The following ERMARD variants were observed in gnomAD, a reference collection of about 807,000 sequenced individuals.
ERMARD encodes the protein endoplasmic reticulum membrane-associated RNA degradation protein.
Under a neutral mutation model 83.9 loss-of-function variants are expected in ERMARD, and 71 were observed. The ratio of observed to expected loss-of-function variants is 0.85; its 90% CI spans 0.70 to 1.03. ERMARD has a LOEUF of 1.03. Among genes scored for constraint, ERMARD ranks in the 50% least tolerant of loss-of-function variants. The pLI is 0.00. For missense variants in ERMARD, 838 were observed against 810.9 expected (o/e 1.03, Z -0.41); for synonymous variants, 284 against 298.6 (o/e 0.95, Z 0.50).
At chr6:169,779,104 G>A in intron 16 of ERMARD, 78 bp from the exon 17 acceptor site, 2 of 1,239,658 alleles carry the variant, frequency 1.6e-6, no homozygotes, top group Admixed American at 3.5e-5. Context: ...TGTTGATTAG[G>A]TGAAACATCT....
chr6:169,768,126 T>C lies in ERMARD; in HGVS notation c.1014T>C (p.Asp338=), dbSNP rs61747671. The C allele has an allele frequency of 2.1e-3, 3,470 of 1,614,094 alleles. 77 individuals carry two copies. In the African/African-American group the frequency reaches 0.04, roughly 19 times the overall value. ...FDQILAKHLN[D]GKINQLPLFL... Reference sequence around the variant, plus strand: ...AGATATTGGCAAAACACTTGAATGATGGTAAAATCAATCAGCTTCCTCTTT... The same window carrying C: ...AGATATTGGCAAAACACTTGAATGACGGTAAAATCAATCAGCTTCCTCTTT... Residue 338 remains aspartate, a synonymous_variant, in exon 11 of 18, where the codon GAT becomes GAC. Coordinates refer to ENST00000366773, the MANE Select transcript of ERMARD (RefSeq NM_018341.3).
At chr6:169,752,436 T>C (rs1304405227) in intron 1 of ERMARD, among the ~76,000 whole-genome samples, 1 of 152,182 alleles carries the variant, frequency 6.6e-6, no homozygotes, top group Non-Finnish European at 1.5e-5. Flanking sequence ...CGGCCCAGTG[T>C]AGTCTGCAGA....
At chr6:169,762,290 G>C in intron 8 of ERMARD, 139 bp from the exon 9 acceptor site, 1 of 715,974 alleles carries the variant, frequency 1.4e-6, no homozygotes, top group Non-Finnish European at 2.3e-6. Context: ...TCCCAGGCTG[G>C]TCTTGAACTC....
Position 169,762,511 on chromosome 6 carries a change from A to C in ERMARD, c.940A>C (p.Lys314Gln). 6.2e-7 allele frequency: 1 copy of C among 1,614,116 alleles called. No homozygotes were observed. Residue 314 changes from lysine to glutamine, a missense_variant, in exon 9 of 18, where the codon AAA becomes CAA. Physicochemically the swap from Lys to Gln is moderately conservative, Grantham distance 53 (BLOSUM62 1). Coordinates refer to ENST00000366773, the MANE Select transcript of ERMARD (RefSeq NM_018341.3). ...TTTTGCCACACTTAACAGATGTCCA[A>C]AAAGACTCCTGACTGCTGAGGTAAG... Reference protein sequence around the residue: ...NVFATLNRCPKRLLTAESTAL... With the variant: ...NVFATLNRCPQRLLTAESTAL...
chr6:169,768,005 C>G, intron 10 of ERMARD, 98 bp from the exon 11 acceptor site: 5 of 945,888 alleles, frequency 5.3e-6, no homozygotes, highest in East Asian at 2.5e-5. Flanking sequence ...CCTTAGATAA[C>G]AAGTTAGGCT....
rs1186806559 is a variant in ERMARD at position 169,752,168 on chromosome 6, C to T, written c.6+505C>T. Among the ~76,000 whole-genome samples the T allele has an allele frequency of 2.6e-5, 4 of 152,318 alleles. No homozygotes were observed. In the East Asian group the frequency reaches 7.7e-4, roughly 29 times the overall value. On this transcript the variant is annotated intron_variant, in intron 1 of 17. Coordinates refer to ENST00000366773, the MANE Select transcript of ERMARD (RefSeq NM_018341.3). ...CCCAGGAGGTGGAGGCTGCAGTGAG[C>T]CGAGATCGCGCCACTGCACCCCTGT... is the stretch of plus-strand genomic sequence containing the variant.
chr6:169,768,038 C>T, intron 10 of ERMARD, 65 bp from the exon 11 acceptor site: 1 of 1,355,424 alleles, frequency 7.4e-7, no homozygotes, highest in African/African-American at 1.4e-5. Flanking sequence ...TCCATCAACT[C>T]TGAAAGTTCT....
At position 169,774,001 on chromosome 6, in the gene ERMARD, C is replaced by T. The variant is rs868820520; in HGVS notation, c.1317+599C>T. On this transcript the variant is annotated intron_variant, in intron 13 of 17. Transcript: ENST00000366773. ...CTAAAAGGAAGCTGTAAAATCAACA[C>T]ACGGCGGGTCAGGAGAGATTTGCAA... Among the ~76,000 whole-genome samples, 6 of 152,278 alleles carry T rather than the reference C, an allele frequency of 3.9e-5. No individual in the cohort carries two copies. The East Asian group carries it at 5.8e-4, about 15-fold the overall frequency.
intron 9 of ERMARD, among the ~76,000 whole-genome samples, chr6:169,765,360 G>A (rs891140820): frequency 1.3e-5 from 2 of 152,214 alleles, no homozygotes; most frequent in Non-Finnish European, 2.9e-5. Context: ...ATAAGACACT[G>A]CAGATGCTGT....
upstream of ERMARD, chr6:169,751,397 T>G (rs1290455131): frequency 6.2e-7 from 1 of 1,614,158 alleles, no homozygotes; most frequent in Non-Finnish European, 8.5e-7. Flanking sequence ...CGGAGCCTGC[T>G]GAGGGGTCTG....
intron 8 of ERMARD, among the ~76,000 whole-genome samples, chr6:169,761,667 G>T (rs1449883398): frequency 8.5e-5 from 8 of 94,278 alleles, no homozygotes; most frequent in African/African-American, 4.8e-4. Flanking sequence ...TGTTCTATGT[G>T]TAAGTGGTTT....
chr6:169,772,714 G>T (rs978351983), intron 12 of ERMARD, among the ~76,000 whole-genome samples: 1 of 148,688 alleles, frequency 6.7e-6, no homozygotes, highest in Admixed American at 6.8e-5. Context: ...AGGTTGCAGT[G>T]AGCCGAGATC....
intron 17 of ERMARD, among the ~76,000 whole-genome samples, chr6:169,780,367 A>C (rs1038044113): frequency 6.6e-6 from 1 of 152,212 alleles, no homozygotes; most frequent in African/African-American, 2.4e-5. Context: ...TCCTCTAGAC[A>C]AAGTGTCTGT....
At chr6:169,754,077 G>T in intron 2 of ERMARD, 45 bp downstream of exon 2, 1 of 1,548,008 alleles carries the variant, frequency 6.5e-7, no homozygotes, top group South Asian at 1.2e-5. Context: ...CTGTCCCATT[G>T]AAAATGTCTT....
At chr6:169,778,634 C>A (rs1368941364) in intron 16 of ERMARD, among the ~76,000 whole-genome samples, 1 of 152,220 alleles carries the variant, frequency 6.6e-6, no homozygotes, top group Non-Finnish European at 1.5e-5. Flanking sequence ...TCAATTTACA[C>A]TCTTACCAGC....
At chr6:169,778,615 A>G (rs1055788949) in intron 16 of ERMARD, among the ~76,000 whole-genome samples, 1 of 152,232 alleles carries the variant, frequency 6.6e-6, no homozygotes, top group Non-Finnish European at 1.5e-5. Flanking sequence ...CCCTCCAGAA[A>G]GGTGCTGCTC....
chr6:169,761,048 A>G (rs1791485519), intron 8 of ERMARD, among the ~76,000 whole-genome samples: 1 of 152,234 alleles, frequency 6.6e-6, no homozygotes, highest in African/African-American at 2.4e-5. Flanking sequence ...CATGAAACAT[A>G]GATAAGCCAG....
rs1163103838 is a variant in ERMARD, at chr6:169,762,429, G to T, written c.858G>T (p.Arg286Ser). The T allele has an allele frequency of 6.2e-7, 1 of 1,613,120 alleles. No individual in the cohort carries two copies. The highest frequency in any genetic ancestry group is 1.7e-5 in the Admixed American group (1 of 59,904). The change falls in exon 9 of 18, where the codon AGG (arginine) becomes AGT (serine). Residue 286 changes from arginine (R) to serine (S), a missense_variant and splice_region_variant. Physicochemically the swap from Arg to Ser is moderately radical, Grantham distance 110. Transcript: ENST00000366773. ...EVALVKFKSHRFADCAILLLT... is the reference protein window; with the variant it reads ...EVALVKFKSHSFADCAILLLT... ...ACCTCTTTTCCCTTCAATTTCATAG[G>T]TTTGCTGACTGCGCCATATTGTTGC...
Position 169,773,325 on chromosome 6 carries a change from T to G in ERMARD, c.1240T>G (p.Ser414Ala), listed in dbSNP as rs1354056492. Residue 414 changes from serine (S) to alanine (A), a missense_variant, in exon 13 of 18, where the codon TCA becomes GCA. By Grantham distance (99) the Ser-to-Ala change is moderately conservative (BLOSUM62 1). Transcript: ENST00000366773. ...DCLLSVFKEK[S>A]AVELLISLAE... ...ACTGTTTTCTCTGCACTAGGAAAAA[T>G]CAGCCGTAGAATTGTTGATTAGTCT... 6.2e-7 allele frequency: 1 copy of G among 1,613,826 alleles called. No individual in the cohort carries two copies. The highest frequency in any genetic ancestry group is 2.2e-5 in the East Asian group (1 of 44,862).
Sources: allele counts gnomAD v4.1 joint callset (sites outside exome capture counted in the v4.1 genomes callset), GRCh38; gene constraint gnomAD v4.1.1; transcripts MANE v1.5; gene names NCBI Gene and HGNC (gene_info 2026-07-23, HGNC 2026-07-21).